GPR158: variants seen among roughly 807,000 people sequenced by gnomAD.
The protein encoded by GPR158 is G protein-coupled receptor 158.
GPR158 carries 30 observed loss-of-function variants against 78.2 expected under a neutral mutation model. That is an observed-to-expected ratio of 0.38 (90% CI 0.29 to 0.52). The LOEUF (loss-of-function observed/expected upper bound fraction) is 0.52. Among genes scored for constraint, GPR158 ranks in the 20% least tolerant of loss-of-function variants. GPR158 has a pLI of 0.83. For missense variants in GPR158, 1,463 were observed against 1,523.5 expected, an observed-to-expected ratio of 0.96 and a Z score of 0.66; for synonymous variants, 581 against 591.1, an observed-to-expected ratio of 0.98 and a Z score of 0.25.
chr10:25,330,665 CT>C (rs527511169), intron 2 of GPR158, among the ~76,000 whole-genome samples: 2 of 151,842 alleles, frequency 1.3e-5, no homozygotes, highest in African/African-American at 2.4e-5. Context: ...TCAAGTAAAC[CT>C]TTTTTTTCCT....
chr10:25,565,376 A>G (rs1836916075), intron 6 of GPR158, among the ~76,000 whole-genome samples: 1 of 152,198 alleles, frequency 6.6e-6, no homozygotes, highest in African/African-American at 2.4e-5. Context: ...CCTGAGATGA[A>G]TGTACAAGGA....
At chr10:25,540,396 G>T (rs1291720506) in intron 5 of GPR158, among the ~76,000 whole-genome samples, 1 of 152,124 alleles carries the variant, frequency 6.6e-6, no homozygotes, top group Non-Finnish European at 1.5e-5. Context: ...GATTCCTCAG[G>T]GATCTAAACT....
chr10:25,457,819 A>G (rs960732830), intron 4 of GPR158, among the ~76,000 whole-genome samples: 4 of 152,224 alleles, frequency 2.6e-5, no homozygotes, highest in South Asian at 2.1e-4. Context: ...TGAGTCAGCA[A>G]TTTTGTGATA....
intron 2 of GPR158, among the ~76,000 whole-genome samples, chr10:25,365,089 A>T (rs1007440251): frequency 6.6e-6 from 1 of 151,778 alleles, no homozygotes; most frequent in African/African-American, 2.4e-5. Flanking sequence ...CCTATTTTGG[A>T]AAACATTATT....
chr10:25,557,630 C>T (rs1002360483), intron 6 of GPR158, among the ~76,000 whole-genome samples: 1 of 152,182 alleles, frequency 6.6e-6, no homozygotes, highest in Non-Finnish European at 1.5e-5. Flanking sequence ...TTGGTATATA[C>T]ATTTAACTTT....
intron 3 of GPR158, among the ~76,000 whole-genome samples, chr10:25,410,224 G>A (rs1022038070): frequency 2.0e-5 from 3 of 152,000 alleles, no homozygotes; most frequent in South Asian, 2.1e-4. Flanking sequence ...TCTCTGTTTT[G>A]GAGGAATATC....
chr10:25,249,501 A>G (rs1358647748), intron 2 of GPR158, among the ~76,000 whole-genome samples: 1 of 151,702 alleles, frequency 6.6e-6, no homozygotes, highest in Non-Finnish European at 1.5e-5. Context: ...TACCTAATTT[A>G]TTGAGAGTTT....
intron 7 of GPR158, among the ~76,000 whole-genome samples, chr10:25,583,261 G>T (rs1252804377): frequency 6.6e-6 from 1 of 152,100 alleles, no homozygotes; most frequent in Non-Finnish European, 1.5e-5. Context: ...CTGACTTTAA[G>T]GCCAGCAGAA....
rs570735028 is a variant in GPR158 at position 25,417,677 on chromosome 10, T to C, written c.1335+5204T>C. 2.0e-5 allele frequency among the ~76,000 whole-genome samples: 3 copies of C among 152,278 alleles called. No homozygotes were observed. In the East Asian group the frequency reaches 5.8e-4, roughly 29 times the overall value. ...TTGATTGTGAAGCTATGTGCTATTA[T>C]AGTAGGTGAACCTGGGGATAGAATG... On this transcript the variant is annotated intron_variant, in intron 4 of 10. Coordinates refer to ENST00000376351, the MANE Select transcript of GPR158 (RefSeq NM_020752.3).
intron 2 of GPR158, among the ~76,000 whole-genome samples, chr10:25,237,933 T>C (rs1267276194): frequency 1.3e-5 from 2 of 151,894 alleles, no homozygotes; most frequent in Non-Finnish European, 2.9e-5. Flanking sequence ...CCTCTTTCCC[T>C]CCCTTTCTCA....
At chr10:25,380,742 A>G (rs1379763540) in intron 2 of GPR158, among the ~76,000 whole-genome samples, 1 of 152,204 alleles carries the variant, frequency 6.6e-6, no homozygotes, top group Non-Finnish European at 1.5e-5. Context: ...ACTCTGTGTA[A>G]TATATAAGAA....
chr10:25,540,135 T>C (rs1479293011), intron 5 of GPR158, among the ~76,000 whole-genome samples: 4 of 152,124 alleles, frequency 2.6e-5, no homozygotes, highest in African/African-American at 9.7e-5. Context: ...GGGCGAAGGA[T>C]ATGAACAGAC....
intron 5 of GPR158, among the ~76,000 whole-genome samples, chr10:25,466,987 A>G (rs1835433345): frequency 6.6e-6 from 1 of 152,168 alleles, no homozygotes; most frequent in African/African-American, 2.4e-5. Flanking sequence ...AATATGAGTG[A>G]CCATGGCCCC....
At chr10:25,437,111 C>G (rs1303229684) in intron 4 of GPR158, among the ~76,000 whole-genome samples, 2 of 152,190 alleles carry the variant, frequency 1.3e-5, no homozygotes. Context: ...TATTGTTTTA[C>G]TGGGACAAAC....
chr10:25,192,393 G>A (rs1289138841), intron 1 of GPR158, among the ~76,000 whole-genome samples: 2 of 152,226 alleles, frequency 1.3e-5, no homozygotes, highest in African/African-American at 2.4e-5. Context: ...GTGTGAGAAC[G>A]GACTAATACA....
chr10:25,419,501 G>C (rs1192342069), intron 4 of GPR158, among the ~76,000 whole-genome samples: 2 of 152,046 alleles, frequency 1.3e-5, no homozygotes, highest in African/African-American at 4.8e-5. Context: ...AAATTCTTTT[G>C]CTATATACCT....
rs34432893 is a variant in GPR158, at chr10:25,469,783, C to CAAAA, written c.1404+3087_1404+3090dup. Among the ~76,000 whole-genome samples, 50 of 47,374 alleles carry CAAAA rather than the reference C, an allele frequency of 1.1e-3. 3 individuals carry two copies. The highest frequency in any genetic ancestry group is 3.4e-3 in the African/African-American group (44 of 13,042). The allele number at this position is 47,374 out of a possible 152,430, so 31.1% of individuals were successfully genotyped here. On this transcript the variant is annotated intron_variant, in intron 5 of 10. Transcript: ENST00000376351. Reference sequence around the variant, plus strand: ...TGGGCAACAGAGCGAGACTCCATCTCAAAAAAAAAAAAAAAAAAAAAAAAA... The same window carrying CAAAA: ...TGGGCAACAGAGCGAGACTCCATCTCAAAAAAAAAAAAAAAAAAAAAAAAAAAAA...
intron 1 of GPR158, among the ~76,000 whole-genome samples, chr10:25,215,081 T>G (rs763276420): frequency 6.6e-6 from 1 of 152,182 alleles, no homozygotes; most frequent in Non-Finnish European, 1.5e-5. Context: ...ATAGCAAGAT[T>G]ATTTACAATA....
intron 6 of GPR158, among the ~76,000 whole-genome samples, chr10:25,554,709 T>C (rs1406673209): frequency 6.6e-6 from 1 of 152,068 alleles, no homozygotes; most frequent in African/African-American, 2.4e-5. Flanking sequence ...TATAAAAGGG[T>C]CCCTTGTTTA....
Sources: allele counts gnomAD v4.1 joint callset (sites outside exome capture counted in the v4.1 genomes callset), GRCh38; gene constraint gnomAD v4.1.1; transcripts MANE v1.5; gene names NCBI Gene and HGNC (gene_info 2026-07-23, HGNC 2026-07-21).